Variants in ZNF507 observed in about 807,000 individuals in gnomAD.
ZNF507 encodes the protein zinc finger protein 507.
In ZNF507, 29 loss-of-function variants were observed where a neutral mutation model predicts 80.0. That is an observed-to-expected ratio of 0.36 (90% CI 0.27 to 0.49). The LOEUF is 0.49. Among genes scored for constraint, ZNF507 ranks in the 20% least tolerant of loss-of-function variants. ZNF507 has a pLI of 0.98. For missense variants in ZNF507, 1,081 were observed against 1,152.2 expected (o/e 0.94, Z 0.90); for synonymous variants, 462 against 422.5 (o/e 1.09, Z -1.15).
At chr19:32,372,488 G>GT (rs1300655932) in intron 5 of ZNF507, among the ~76,000 whole-genome samples, 2 of 152,040 alleles carry the variant, frequency 1.3e-5, no homozygotes, top group African/African-American at 4.8e-5. Context: ...AAGAAAAGGC[G>GT]TTTTTTTCAG....
At chr19:32,377,768 C>G (rs113678438) in intron 5 of ZNF507, among the ~76,000 whole-genome samples, 2 of 152,140 alleles carry the variant, frequency 1.3e-5, no homozygotes, top group Non-Finnish European at 2.9e-5. Context: ...CCAGCTCTTA[C>G]GTGTGGGCTG....
Position 32,384,013 on chromosome 19 carries a change from A to C in ZNF507, c.*930A>C, listed in dbSNP as rs893474609. On this transcript the variant is annotated 3_prime_UTR_variant, in exon 7 of 7. Coordinates refer to ENST00000355898, the MANE Select transcript of ZNF507 (RefSeq NM_001136156.2). ...TCATCCGGCATTGGAAATAGTTTGA[A>C]CTATTTCCAAAAATCCCTTAGGGGA... 3 of 152,230 alleles carry C rather than the reference A, an allele frequency of 2.0e-5. No homozygotes were observed. Among genetic ancestry groups the C allele is most frequent in the Non-Finnish European group, 4.4e-5 (3 of 68,044 alleles). 9.4% of individuals were successfully genotyped at this position (152,230 alleles called of 1,614,324 possible).
chr19:32,359,684 T>A (rs1042814574), intron 4 of ZNF507: 3 of 152,236 alleles, frequency 2.0e-5, no homozygotes, highest in African/African-American at 7.2e-5. Context: ...CTACTTTTCG[T>A]TGGATCCATG....
intron 5 of ZNF507, among the ~76,000 whole-genome samples, chr19:32,381,729 A>G (rs1305907737): frequency 1.3e-5 from 2 of 152,232 alleles, no homozygotes; most frequent in Non-Finnish European, 2.9e-5. Context: ...TTCATCATTT[A>G]TAACAAATAC....
At chr19:32,368,705 G>A (rs1967431652) in intron 5 of ZNF507, among the ~76,000 whole-genome samples, 1 of 152,208 alleles carries the variant, frequency 6.6e-6, no homozygotes, top group African/African-American at 2.4e-5. Flanking sequence ...TGAACTGAAA[G>A]AGTTTGTTTT....
At chr19:32,371,718 C>A (rs1372576492) in intron 5 of ZNF507, among the ~76,000 whole-genome samples, 2 of 149,290 alleles carry the variant, frequency 1.3e-5, no homozygotes, top group Non-Finnish European at 3.0e-5. Context: ...CGGCTCACTG[C>A]AAGCTCTGCC....
intron 5 of ZNF507, among the ~76,000 whole-genome samples, chr19:32,365,412 G>A (rs1176555536): frequency 2.6e-5 from 4 of 152,058 alleles, no homozygotes; most frequent in African/African-American, 4.8e-5. Context: ...CCTTGCCTAC[G>A]CCAGTGTCTA....
intron 5 of ZNF507, among the ~76,000 whole-genome samples, chr19:32,370,398 C>T (rs188525486): frequency 6.6e-6 from 1 of 152,340 alleles, no homozygotes; most frequent in Non-Finnish European, 1.5e-5. Context: ...CCTTTGCCAA[C>T]ATTTATTCTC....
At chr19:32,364,900 A>G (rs1967377108) in intron 5 of ZNF507, among the ~76,000 whole-genome samples, 1 of 152,218 alleles carries the variant, frequency 6.6e-6, no homozygotes. Flanking sequence ...ACACTGTTCC[A>G]TAGTGGCTGT....
At chr19:32,376,909 G>T (rs1332790795) in intron 5 of ZNF507, among the ~76,000 whole-genome samples, 1 of 152,194 alleles carries the variant, frequency 6.6e-6, no homozygotes, top group Admixed American at 6.5e-5. Flanking sequence ...GAGGCAGAGA[G>T]AGAGAGGGAG....
chr19:32,354,755 G>T lies in ZNF507; in HGVS notation c.1925G>T (p.Arg642Leu), dbSNP rs755133117. Residue 642 changes from arginine (R) to leucine (L), a missense_variant, in exon 3 of 7, where the codon CGT becomes CTT. Coordinates refer to ENST00000355898, the MANE Select transcript of ZNF507 (RefSeq NM_001136156.2). Reference sequence around the variant, plus strand: ...ATCCCGAATGCTGAACGACCCTACCGTTGCCGCCTGTGTCACTACACAAGT... The same window carrying T: ...ATCCCGAATGCTGAACGACCCTACCTTTGCCGCCTGTGTCACTACACAAGT... Reference protein sequence around the residue: ...EYIPNAERPYRCRLCHYTSGN... With the variant: ...EYIPNAERPYLCRLCHYTSGN... 4 of 1,614,116 alleles carry T rather than the reference G, an allele frequency of 2.5e-6. No individual in the cohort carries two copies. The highest frequency in any genetic ancestry group is 3.4e-6 in the Non-Finnish European group (4 of 1,180,018).
rs945457251 is a variant in ZNF507, at chr19:32,386,495, A to G, written c.*3412A>G. The stretch of plus-strand genomic sequence containing the variant: ...ATGAATACATGTATTTTTTTAAGAA[A>G]TAAGTATTGTGTAACACTATGGCAT... On this transcript the variant is annotated 3_prime_UTR_variant, in exon 7 of 7. Coordinates refer to ENST00000355898, the MANE Select transcript of ZNF507 (RefSeq NM_001136156.2). 1 of 152,656 alleles carries G rather than the reference A, an allele frequency of 6.6e-6. No individual in the cohort carries two copies. The highest frequency in any genetic ancestry group is 1.5e-5 in the Non-Finnish European group (1 of 68,044). 9.5% of individuals were successfully genotyped at this position (152,656 alleles called of 1,614,324 possible).
At chr19:32,382,237 A>C in intron 5 of ZNF507, 1 of 408,898 alleles carries the variant, frequency 2.4e-6, no homozygotes, top group South Asian at 7.3e-5. Flanking sequence ...GATTCTTACT[A>C]ATTCTTTATA....
intron 2 of ZNF507, among the ~76,000 whole-genome samples, chr19:32,351,419 C>CTGTGTGTGTGTGTGTGTGTGTG (rs5823): frequency 1.5e-4 from 8 of 52,840 alleles, no homozygotes; most frequent in East Asian, 1.3e-3. Context: ...AGCTGGTCAG[C>CTGTGTGTGTGTGTGTGTGTGTG]TGTGTGTGTG....
chr19:32,381,608 A>AAACAAC (rs372959149), intron 5 of ZNF507, among the ~76,000 whole-genome samples: 10 of 152,040 alleles, frequency 6.6e-5, no homozygotes, highest in East Asian at 1.9e-4. Context: ...ACTCTATCTC[A>AAACAAC]AACAACAACA....
chr19:32,354,631 A>C lies in ZNF507; in HGVS notation c.1801A>C (p.Asn601His). 6.2e-7 allele frequency: 1 copy of C among 1,614,188 alleles called. No individual in the cohort carries two copies. Residue 601 changes from asparagine to histidine, a missense_variant, in exon 3 of 7, where the codon AAC becomes CAC. Physicochemically the swap from Asn to His is moderately conservative, Grantham distance 68. This residue lies in a region of ZNF507 where 614 missense variants were observed against 583.9 expected (regional missense o/e 1.05). Coordinates refer to ENST00000355898, the MANE Select transcript of ZNF507 (RefSeq NM_001136156.2). ...IEKLRERTDQNASDDDILKEL... is the reference protein window; with the variant it reads ...IEKLRERTDQHASDDDILKEL... Reference sequence around the variant, plus strand: ...AAAATTGAGAGAAAGGACAGACCAAAACGCTTCAGACGATGACATTTTGAA... The same window carrying C: ...AAAATTGAGAGAAAGGACAGACCAACACGCTTCAGACGATGACATTTTGAA...
intron 5 of ZNF507, among the ~76,000 whole-genome samples, chr19:32,364,851 C>G (rs910168886): frequency 1.3e-5 from 2 of 152,198 alleles, no homozygotes; most frequent in African/African-American, 2.4e-5. Flanking sequence ...ATTGCTGGAT[C>G]AAATGGTAGT....
rs1967425467 is a variant in ZNF507 at position 32,368,252 on chromosome 19, T to G, written c.2360+7634T>G. ...TTGGAAAGGACGCAGTAGAGATGGC[T>G]TGTCCCATACAGTCTGGGGTCTCAT... On this transcript the variant is annotated intron_variant, in intron 5 of 6. Transcript: ENST00000355898. 2.0e-5 allele frequency among the ~76,000 whole-genome samples: 3 copies of G among 152,194 alleles called. No homozygotes were observed. The South Asian group carries it at 6.2e-4, about 32-fold the overall frequency.
chr19:32,350,960 A>G (rs1003760355), intron 2 of ZNF507, among the ~76,000 whole-genome samples: 1 of 152,240 alleles, frequency 6.6e-6, no homozygotes, highest in African/African-American at 2.4e-5. Flanking sequence ...AGGAAGTCAC[A>G]AAAGGGTTTT....
Sources: allele counts gnomAD v4.1 joint callset (sites outside exome capture counted in the v4.1 genomes callset), GRCh38; gene constraint gnomAD v4.1.1; regional missense constraint gnomAD v4.1.1; transcripts MANE v1.5; gene names NCBI Gene and HGNC (gene_info 2026-07-23, HGNC 2026-07-21).